The following TMPRSS2 variants were observed in gnomAD, a reference collection of about 807,000 sequenced individuals.
TMPRSS2 encodes transmembrane serine protease 2, also known as transmembrane protease serine 2.
A neutral mutation model predicts 67.4 loss-of-function variants in TMPRSS2; 59 were observed. The ratio of observed to expected loss-of-function variants is 0.88; its 90% CI spans 0.71 to 1.09. The LOEUF is 1.09. Ranked by LOEUF, TMPRSS2 falls within the 50% of genes least tolerant of loss-of-function variation. The pLI is 0.00. For synonymous variants in TMPRSS2, 257 were observed against 257.0 expected, an observed-to-expected ratio of 1.00 and a Z score of 0.00; for missense variants, 668 against 642.7, an observed-to-expected ratio of 1.04 and a Z score of -0.43.
chr21:41,507,961 C>A (rs1185790337), intron 1 of TMPRSS2, 120 bp downstream of exon 1: 1 of 1,476,930 alleles, frequency 6.8e-7, no homozygotes, highest in Non-Finnish European at 8.9e-7. Flanking sequence ...TGCCGCGCCG[C>A]GCTCCTCACA....
intron 6 of TMPRSS2, among the ~76,000 whole-genome samples, 198 bp from the exon 7 acceptor site, chr21:41,479,480 C>CA (rs1188853642): frequency 2.0e-5 from 3 of 152,172 alleles, no homozygotes; most frequent in African/African-American, 7.2e-5. Flanking sequence ...AAGTGTCAGA[C>CA]AAAATTCCTT....
chr21:41,465,874 C>T lies in TMPRSS2; in HGVS notation c.*268G>A, dbSNP rs2091079102. ...CAGGAAGATCTCAATGGGGCAGCCT[C>T]CACCCCTCTCCTCCACACTTGACCG... On this transcript the variant is annotated 3_prime_UTR_variant, in exon 14 of 14. Transcript: ENST00000332149. The T allele has an allele frequency of 1.9e-6, 1 of 533,776 alleles. No homozygotes were observed. The highest frequency in any genetic ancestry group is 3.4e-6 in the Non-Finnish European group (1 of 298,242). The allele number at this position is 533,776 out of a possible 1,614,324, so 33.1% of individuals were successfully genotyped here. A position where few individuals can be genotyped will look rare whatever the true frequency, so the allele number is the denominator to read the frequency against.
chr21:41,491,931 T>C (rs928988455), intron 3 of TMPRSS2, among the ~76,000 whole-genome samples: 1 of 152,170 alleles, frequency 6.6e-6, no homozygotes, highest in African/African-American at 2.4e-5. Flanking sequence ...CCATGCACTT[T>C]GGGAGTGGAT....
chr21:41,507,787 G>A (rs1013631156), intron 1 of TMPRSS2, among the ~76,000 whole-genome samples: 3 of 152,238 alleles, frequency 2.0e-5, no homozygotes, highest in South Asian at 2.1e-4. Flanking sequence ...AACTGGCTAG[G>A]GACTCGCAGG....
intron 1 of TMPRSS2, among the ~76,000 whole-genome samples, chr21:41,502,021 C>T (rs1025004963): frequency 6.6e-6 from 1 of 152,172 alleles, no homozygotes; most frequent in African/African-American, 2.4e-5. Context: ...GCAGGGAGCT[C>T]TTCCTTCAAT....
At chr21:41,504,315 G>A (rs1237265421) in intron 1 of TMPRSS2, among the ~76,000 whole-genome samples, 4 of 152,092 alleles carry the variant, frequency 2.6e-5, no homozygotes, top group Non-Finnish European at 4.4e-5. Context: ...CAATGGCTCA[G>A]CGCCATCCAC....
rs771209150 is a variant in TMPRSS2 at position 41,494,409 on chromosome 21, T to C, written c.185A>G (p.Asn62Ser). 5 of 1,611,156 alleles carry C rather than the reference T, an allele frequency of 3.1e-6. No individual in the cohort carries two copies. The highest frequency in any genetic ancestry group is 4.2e-6 in the Non-Finnish European group (5 of 1,179,224). Reference sequence around the variant, plus strand: ...TTTGGGCTGCGTGCAGACGACGGGGTTGGAAGCCTGCGTCAGGACCCTCGG... The same window carrying C: ...TTTGGGCTGCGTGCAGACGACGGGGCTGGAAGCCTGCGTCAGGACCCTCGG... ...YAPRVLTQAS[N>S]PVVCTQPKSP... Residue 62 changes from asparagine to serine, a missense_variant, in exon 3 of 14, where the codon AAC becomes AGC. Physicochemically the swap from Asn to Ser is conservative, Grantham distance 46. Coordinates refer to ENST00000332149, the MANE Select transcript of TMPRSS2 (RefSeq NM_005656.4).
chr21:41,507,680 C>T (rs1348528778), intron 1 of TMPRSS2, among the ~76,000 whole-genome samples: 1 of 152,192 alleles, frequency 6.6e-6, no homozygotes, highest in African/African-American at 2.4e-5. Context: ...TCCTCCTCCC[C>T]AAAGAGAAAA....
At chr21:41,479,398 T>A in intron 6 of TMPRSS2, 116 bp from the exon 7 acceptor site, 2 of 763,804 alleles carry the variant, frequency 2.6e-6, no homozygotes, top group Admixed American at 2.8e-5. Flanking sequence ...AACCTTAGCA[T>A]TTAGGAAAAA....
intron 13 of TMPRSS2, among the ~76,000 whole-genome samples, chr21:41,466,715 CT>C (rs1257917294): frequency 1.3e-5 from 2 of 152,242 alleles, no homozygotes; most frequent in Non-Finnish European, 2.9e-5. Context: ...GAAAGGCCCC[CT>C]GGTTCTGCTC....
At position 41,494,523 on chromosome 21, in the gene TMPRSS2, T is replaced by A. The variant is rs2146484114; in HGVS notation, c.71A>T (p.Asn24Ile). Residue 24 changes from asparagine to isoleucine, a missense_variant, in exon 3 of 14, where the codon AAC (asparagine) becomes ATC (isoleucine). Transcript: ENST00000332149. ...YYENHGYQPE[N>I]PYPAQPTVVP... is the part of the protein sequence containing the mutation. ...CACAGTGGGCTGTGCGGGATAGGGG[T>A]TTTCCGGTTGGTATCCATGGTTTTC... The A allele has an allele frequency of 6.2e-7, 1 of 1,613,634 alleles. No individual in the cohort carries two copies. The highest frequency in any genetic ancestry group is 8.5e-7 in the Non-Finnish European group (1 of 1,179,936).
chr21:41,499,298 T>C (rs187648498), intron 1 of TMPRSS2, among the ~76,000 whole-genome samples: 48 of 152,310 alleles, frequency 3.2e-4, no homozygotes, highest in Admixed American at 2.5e-3. Context: ...CAACACGAAA[T>C]GCTGTATAGT....
intron 3 of TMPRSS2, 58 bp from the exon 4 acceptor site, chr21:41,489,651 C>T (rs2091321719): frequency 1.8e-6 from 2 of 1,129,540 alleles, no homozygotes; most frequent in Non-Finnish European, 2.6e-6. Flanking sequence ...GTCATGCTCT[C>T]AAATGTTATC....
Position 41,479,207 on chromosome 21 carries a change from G to A in TMPRSS2, c.648C>T (p.Ala216=), listed in dbSNP as rs141788162. The change falls in exon 7 of 14, where the codon GCC becomes GCT. Residue 216 remains alanine, a synonymous_variant. Coordinates refer to ENST00000332149, the MANE Select transcript of TMPRSS2 (RefSeq NM_005656.4). ...STSFMKLNTS[A]GNVDIYKKLY... is the part of the protein sequence containing the mutation. ...GTTTTTTATAGATATCGACATTGCC[G>A]GCACTTGTGTTCAGTTTCATAAAGC... is the stretch of plus-strand genomic sequence containing the variant. 5,597 of 1,613,902 alleles carry A rather than the reference G, an allele frequency of 3.5e-3. 25 individuals carry two copies. Among genetic ancestry groups the A allele is most frequent in the Middle Eastern group, 9.1e-3 (55 of 6,062 alleles).
chr21:41,484,038 G>A (rs889487457), intron 5 of TMPRSS2, among the ~76,000 whole-genome samples: 1 of 152,112 alleles, frequency 6.6e-6, no homozygotes, highest in Non-Finnish European at 1.5e-5. Flanking sequence ...AGGATGGATT[G>A]AGCCCAGGAG....
Position 41,465,027 on chromosome 21 carries a change from T to C in TMPRSS2, c.*1115A>G, listed in dbSNP as rs2091073532. The C allele has an allele frequency of 4.3e-6, 1 of 233,240 alleles. No individual in the cohort carries two copies. Among genetic ancestry groups the C allele is most frequent in the Non-Finnish European group, 8.5e-6 (1 of 118,068 alleles). 14.4% of individuals were successfully genotyped at this position (233,240 alleles called of 1,614,324 possible). A position where few individuals can be genotyped will look rare whatever the true frequency, so the allele number is the denominator to read the frequency against. On this transcript the variant is annotated 3_prime_UTR_variant, in exon 14 of 14. Coordinates refer to ENST00000332149, the MANE Select transcript of TMPRSS2 (RefSeq NM_005656.4). ...GAGAGTCCAAAACAAAACACATCTT[T>C]CTCTTCTTCGCCGCCACCATGGGCA...
Position 41,464,735 on chromosome 21 carries a change from C to T in TMPRSS2, c.*1407G>A, listed in dbSNP as rs2091071071. 3 of 233,210 alleles carry T rather than the reference C, an allele frequency of 1.3e-5. No homozygotes were observed. The South Asian group carries it at 5.4e-4, about 42-fold the overall frequency. 14.4% of individuals were successfully genotyped at this position (233,210 alleles called of 1,614,324 possible). A position where few individuals can be genotyped will look rare whatever the true frequency, so the allele number is the denominator to read the frequency against. ...TAGGATGTGTCTTGGGGAGCAAGCA[C>T]CTTACAGTGCCAACTGTTTCCAAGG... On this transcript the variant is annotated 3_prime_UTR_variant, in exon 14 of 14. Coordinates refer to ENST00000332149, the MANE Select transcript of TMPRSS2 (RefSeq NM_005656.4).
intron 5 of TMPRSS2, among the ~76,000 whole-genome samples, chr21:41,486,268 A>G (rs898928911): frequency 6.6e-6 from 1 of 152,184 alleles, no homozygotes; most frequent in South Asian, 2.1e-4. Context: ...GCTGATCCAC[A>G]AGCCTGGAAT....
chr21:41,490,022 C>A (rs1017551269), intron 3 of TMPRSS2, among the ~76,000 whole-genome samples: 24 of 151,872 alleles, frequency 1.6e-4, no homozygotes, highest in African/African-American at 5.6e-4. Flanking sequence ...GTGGCAGGTG[C>A]CTGTAATCCT....
Sources: gnomAD v4.1 joint callset for allele counts (sites outside exome capture counted in the v4.1 genomes callset) on GRCh38, gnomAD v4.1.1 for gene constraint, MANE v1.5 for transcripts, NCBI Gene and HGNC (gene_info 2026-07-23, HGNC 2026-07-21) for gene names.